DNAJC12: variants seen among roughly 807,000 people sequenced by gnomAD.
The protein encoded by DNAJC12 is dnaJ homolog subfamily C member 12.
DNAJC12 carries 25 observed loss-of-function variants against 28.5 expected under a neutral mutation model. The observed-to-expected ratio is 0.88, with a 90% CI of 0.64 to 1.22. The LOEUF is 1.22. DNAJC12 is among the 50% of genes most tolerant of loss of function. The pLI, the probability that DNAJC12 is intolerant of heterozygous loss-of-function variation, is 0.00. For synonymous variants in DNAJC12, 77 were observed against 80.6 expected (o/e 0.95, Z 0.24); for missense variants, 222 against 231.7 (o/e 0.96, Z 0.27).
At chr10:67,806,824 CAAAAA>C (rs11364394) in intron 3 of DNAJC12, among the ~76,000 whole-genome samples, 1 of 122,050 alleles carries the variant, frequency 8.2e-6, no homozygotes. Context: ...GACTCGGTCT[CAAAAA>C]AAAAAAAAAA....
At chr10:67,803,177 G>A (rs1458352889) in intron 4 of DNAJC12, among the ~76,000 whole-genome samples, 1 of 151,988 alleles carries the variant, frequency 6.6e-6, no homozygotes, top group Non-Finnish European at 1.5e-5. Flanking sequence ...AAAATTTTAT[G>A]AGGTAGACAC....
intron 3 of DNAJC12, among the ~76,000 whole-genome samples, chr10:67,809,878 T>C (rs1841841836): frequency 6.6e-6 from 1 of 152,142 alleles, no homozygotes; most frequent in Non-Finnish European, 1.5e-5. Context: ...GATAAAAAAC[T>C]ACATAATGGG....
At chr10:67,805,000 C>T (rs1841784331) in intron 4 of DNAJC12, among the ~76,000 whole-genome samples, 1 of 152,106 alleles carries the variant, frequency 6.6e-6, no homozygotes. Context: ...CCACTGCACT[C>T]CAGCCTAGAT....
chr10:67,811,280 T>G (rs1841855497), intron 3 of DNAJC12: 3 of 1,338,432 alleles, frequency 2.2e-6, no homozygotes, highest in African/African-American at 1.5e-5. Flanking sequence ...GTGTGTATAC[T>G]GAAACAAACA....
chr10:67,835,430 G>A (rs536133083), intron 1 of DNAJC12, among the ~76,000 whole-genome samples: 15 of 152,196 alleles, frequency 9.9e-5, no homozygotes, highest in African/African-American at 2.2e-4. Flanking sequence ...GGTGGCTCAC[G>A]TCTGTAATCC....
chr10:67,815,508 C>CAAAAAAAAAAAAAAAAAA (rs762037586), intron 2 of DNAJC12, among the ~76,000 whole-genome samples: 3 of 65,760 alleles, frequency 4.6e-5, no homozygotes, highest in Admixed American at 1.8e-4. Flanking sequence ...TACTTCGTCT[C>CAAAAAAAAAAAAAAAAAA]AAAAAAAAAA....
chr10:67,799,310 A>G (rs778541699), intron 4 of DNAJC12, among the ~76,000 whole-genome samples: 7 of 152,194 alleles, frequency 4.6e-5, no homozygotes, highest in Non-Finnish European at 1.0e-4. Flanking sequence ...ACACTTTTTA[A>G]AGAATTATTG....
rs1554885473 is a variant in DNAJC12 at position 67,828,656 on chromosome 10, T to TC, written c.79-5265_79-5264insG. Among the ~76,000 whole-genome samples, 3 of 145,838 alleles carry TC rather than the reference T, an allele frequency of 2.1e-5. No individual in the cohort carries two copies. In the South Asian group the frequency reaches 6.6e-4, roughly 32 times the overall value. The stretch of plus-strand genomic sequence containing the variant: ...ATTTTAAAGTGTTAAATATTCTATT[T>TC]TCTCTCTCTCTCTCTCTCTATATAT... On this transcript the variant is annotated intron_variant, in intron 1 of 4. Coordinates refer to ENST00000225171, the MANE Select transcript of DNAJC12 (RefSeq NM_021800.3).
intron 1 of DNAJC12, among the ~76,000 whole-genome samples, chr10:67,826,769 A>G (rs1162481638): frequency 2.5e-5 from 3 of 119,174 alleles, no homozygotes; most frequent in Non-Finnish European, 5.1e-5. Context: ...CTGATATCTA[A>G]TGATATATAA....
intron 4 of DNAJC12, among the ~76,000 whole-genome samples, chr10:67,798,512 T>C (rs1841703236): frequency 6.7e-6 from 1 of 150,216 alleles, no homozygotes; most frequent in African/African-American, 2.4e-5. Flanking sequence ...AAATCCCGTC[T>C]CTACAAAAAA....
chr10:67,802,256 T>C (rs1841754662), intron 4 of DNAJC12, among the ~76,000 whole-genome samples: 1 of 152,094 alleles, frequency 6.6e-6, no homozygotes, highest in South Asian at 2.1e-4. Flanking sequence ...TATGTGAAAA[T>C]TGATTATATG....
intron 1 of DNAJC12, among the ~76,000 whole-genome samples, chr10:67,826,942 TA>T (rs1842042752): frequency 7.4e-6 from 1 of 135,484 alleles, no homozygotes; most frequent in Non-Finnish European, 1.6e-5. Flanking sequence ...ATGATATATA[TA>T]ATATATATCA....
At chr10:67,835,717 G>GACACACAC (rs34238470) in intron 1 of DNAJC12, among the ~76,000 whole-genome samples, 8,792 of 118,852 alleles carry the variant, frequency 0.074, 300 homozygotes, top group South Asian at 0.14. Flanking sequence ...GAGAAAAAAT[G>GACACACAC]ACACACACAC....
rs56055620 is a variant in DNAJC12 at position 67,799,878 on chromosome 10, C to CA, written c.503-2669dup. On this transcript the variant is annotated intron_variant, in intron 4 of 4. Transcript: ENST00000225171. ...AGCCTGGGCGACAGAGCGAGACTGT[C>CA]AAAAAAAAAAAAATGTAGTTTCTAG... Among the ~76,000 whole-genome samples, 167 of 128,344 alleles carry CA rather than the reference C, an allele frequency of 1.3e-3. 3 individuals carry two copies. The highest frequency in any genetic ancestry group is 4.2e-3 in the Middle Eastern group (1 of 240). 84.2% of individuals were successfully genotyped at this position (128,344 alleles called of 152,430 possible).
intron 3 of DNAJC12, among the ~76,000 whole-genome samples, chr10:67,805,989 C>G (rs886290329): frequency 1.3e-5 from 2 of 152,128 alleles, no homozygotes. Context: ...TCACCATACA[C>G]CCTTTTGTAC....
chr10:67,817,997 GT>G (rs1204634753), intron 2 of DNAJC12, among the ~76,000 whole-genome samples: 1 of 152,196 alleles, frequency 6.6e-6, no homozygotes, highest in East Asian at 1.9e-4. Context: ...GAGTCCAGGA[GT>G]TTGAGACCAG....
At chr10:67,806,476 C>T (rs907532188) in intron 3 of DNAJC12, among the ~76,000 whole-genome samples, 26 of 152,126 alleles carry the variant, frequency 1.7e-4, no homozygotes, top group African/African-American at 5.6e-4. Context: ...CAAGAACCAC[C>T]CCATAAAGCA....
chr10:67,837,861 C>A (rs968261381), intron 1 of DNAJC12, 73 bp downstream of exon 1: 2 of 1,194,304 alleles, frequency 1.7e-6, no homozygotes, highest in African/African-American at 3.1e-5. Context: ...AAAGTTAAAA[C>A]CTTAAATAAA....
intron 3 of DNAJC12, among the ~76,000 whole-genome samples, chr10:67,807,075 CA>C (rs1841810009): frequency 6.6e-6 from 1 of 151,936 alleles, no homozygotes; most frequent in Admixed American, 6.6e-5. Flanking sequence ...GCCTGGCCAA[CA>C]TGGTGAAACC....
Sources: gnomAD v4.1 joint callset for allele counts (sites outside exome capture counted in the v4.1 genomes callset) on GRCh38, gnomAD v4.1.1 for gene constraint, MANE v1.5 for transcripts, NCBI Gene and HGNC (gene_info 2026-07-23, HGNC 2026-07-21) for gene names.